The following ATP7B variants were observed in gnomAD, a reference collection of about 807,000 sequenced individuals.
The protein encoded by ATP7B is copper-transporting ATPase 2.
A neutral mutation model predicts 118.9 loss-of-function variants in ATP7B; 113 were observed. The ratio of observed to expected loss-of-function variants is 0.95; its 90% CI spans 0.82 to 1.11. The LOEUF (loss-of-function observed/expected upper bound fraction) is 1.11, where lower values mean the gene tolerates loss of function less well. Ranked by LOEUF, ATP7B falls within the 50% of genes most tolerant of loss-of-function variation. The probability of loss-of-function intolerance (pLI) is 0.00; values close to 1 mark genes in which losing one functional copy is unlikely to be tolerated. For missense variants in ATP7B, 1,867 were observed against 1,871.4 expected (o/e 1.00, Z 0.04); for synonymous variants, 777 against 727.4 (o/e 1.07, Z -1.10).
chr13:51,959,850 C>T (rs1250802417), intron 7 of ATP7B: 2 of 450,842 alleles, frequency 4.4e-6, no homozygotes, highest in Non-Finnish European at 8.2e-6. Flanking sequence ...ACACAGAGTT[C>T]ACCACACCTT....
At chr13:51,968,634 C>T (rs1951688499) in intron 3 of ATP7B, 27 bp from the exon 4 acceptor site, 3 of 1,613,624 alleles carry the variant, frequency 1.9e-6, no homozygotes, top group East Asian at 4.5e-5. Flanking sequence ...ATGGCTGTAA[C>T]ACTCTGGGTG....
At chr13:51,998,318 G>A (rs1265194163) in intron 1 of ATP7B, among the ~76,000 whole-genome samples, 1 of 152,066 alleles carries the variant, frequency 6.6e-6, no homozygotes, top group African/African-American at 2.4e-5. Context: ...TCAGATCCTG[G>A]AACACAAGGA....
At chr13:51,969,033 G>A (rs572933931) in intron 3 of ATP7B, among the ~76,000 whole-genome samples, 1 of 150,834 alleles carries the variant, frequency 6.6e-6, no homozygotes, top group South Asian at 2.1e-4. Context: ...GCTAATTTTT[G>A]TATTTTTAGT....
At chr13:51,962,340 C>A (rs1244585743) in intron 5 of ATP7B, among the ~76,000 whole-genome samples, 2 of 152,194 alleles carry the variant, frequency 1.3e-5, no homozygotes, top group South Asian at 4.1e-4. Context: ...CTTGCCACTG[C>A]GGCAGAACTC....
intron 1 of ATP7B, among the ~76,000 whole-genome samples, chr13:51,990,855 C>G (rs1256057274): frequency 6.6e-6 from 1 of 152,194 alleles, no homozygotes; most frequent in Admixed American, 6.5e-5. Context: ...TTCGGGAGGC[C>G]GAGGCAGGTG....
Position 51,974,049 on chromosome 13 carries a change from A to G in ATP7B, c.1171T>C (p.Ser391Pro), listed in dbSNP as rs755785474. ...ISQLEGVQQI[S>P]VSLAEGTATV... is the part of the protein sequence containing the mutation. ...GCAGTCCCTTCGGCCAAAGACACCG[A>G]TATTTGCTGCACCCCTTCCAGTTGG... The change falls in exon 2 of 21, where the codon TCG becomes CCG. Residue 391 changes from serine (S) to proline (P), a missense_variant. By Grantham distance (74) the Ser-to-Pro change is moderately conservative. Coordinates refer to ENST00000242839, the MANE Select transcript of ATP7B (RefSeq NM_000053.4). 9.9e-6 allele frequency: 16 copies of G among 1,614,050 alleles called. No individual in the cohort carries two copies. The highest frequency in any genetic ancestry group is 8.3e-5 in the Admixed American group (5 of 59,996).
At chr13:51,951,606 T>C (rs1483282798) in intron 9 of ATP7B, among the ~76,000 whole-genome samples, 1 of 152,108 alleles carries the variant, frequency 6.6e-6, no homozygotes, top group East Asian at 1.9e-4. Context: ...GAAGGGGTCC[T>C]AGAACTCATC....
intron 17 of ATP7B, among the ~76,000 whole-genome samples, chr13:51,938,591 G>A (rs1957117578): frequency 6.6e-6 from 1 of 152,204 alleles, no homozygotes; most frequent in Admixed American, 6.5e-5. Context: ...GCTGCTGTGT[G>A]AGAAGTCAGG....
chr13:51,997,105 C>T (rs1953248734), intron 1 of ATP7B, among the ~76,000 whole-genome samples: 1 of 152,182 alleles, frequency 6.6e-6, no homozygotes, highest in African/African-American at 2.4e-5. Context: ...AGTGATTCTT[C>T]AGGTCTTGCT....
chr13:52,009,619 C>G (rs1953931554), intron 1 of ATP7B, among the ~76,000 whole-genome samples: 1 of 152,194 alleles, frequency 6.6e-6, no homozygotes, highest in Non-Finnish European at 1.5e-5. Flanking sequence ...TGTATGCCTT[C>G]TCTCCTATTA....
At chr13:51,993,331 G>T (rs184548301) in intron 1 of ATP7B, among the ~76,000 whole-genome samples, 1 of 151,342 alleles carries the variant, frequency 6.6e-6, no homozygotes, top group East Asian at 2.0e-4. Flanking sequence ...ACTTTGGGAG[G>T]GGGAGGCAGG....
rs753594031 is a variant in ATP7B at position 51,944,248 on chromosome 13, C to T, written c.3104G>A (p.Gly1035Asp). 8 of 1,614,088 alleles carry T rather than the reference C, an allele frequency of 5.0e-6. No homozygotes were observed. Among genetic ancestry groups the T allele is most frequent in the Non-Finnish European group, 6.8e-6 (8 of 1,180,016 alleles). The change falls in exon 14 of 21, where the codon GGC (glycine) becomes GAC (aspartate). Residue 1035 changes from glycine to aspartate, a missense_variant. By Grantham distance (94) the Gly-to-Asp change is moderately conservative. Coordinates refer to ENST00000242839, the MANE Select transcript of ATP7B (RefSeq NM_000053.4). Reference sequence around the variant, plus strand: ...GAGCACCCGCATGACCCTGGGGACGCCATGGGTAATGGTGCCAGTCTTGTC... The same window carrying T: ...GAGCACCCGCATGACCCTGGGGACGTCATGGGTAATGGTGCCAGTCTTGTC... Reference protein sequence around the residue: ...MFDKTGTITHGVPRVMRVLLL... With the variant: ...MFDKTGTITHDVPRVMRVLLL...
chr13:51,952,341 C>G (rs1160355682), intron 9 of ATP7B, among the ~76,000 whole-genome samples: 1 of 152,230 alleles, frequency 6.6e-6, no homozygotes, highest in Non-Finnish European at 1.5e-5. Context: ...TAATGGTCAA[C>G]AAGCCAGAAG....
intron 1 of ATP7B, among the ~76,000 whole-genome samples, chr13:51,983,497 C>CA (rs1302748818): frequency 6.6e-6 from 1 of 152,138 alleles, no homozygotes; most frequent in Non-Finnish European, 1.5e-5. Context: ...TCAGCAGTCT[C>CA]AAAGGTCCCT....
chr13:51,959,965 C>T (rs1331786613), intron 7 of ATP7B, 183 bp downstream of exon 7: 6 of 831,568 alleles, frequency 7.2e-6, no homozygotes, highest in South Asian at 6.9e-5. Context: ...GGGGGGGCCC[C>T]AAGCCCCACC....
chr13:51,972,706 AC>A (rs1195806736), intron 2 of ATP7B, among the ~76,000 whole-genome samples: 1 of 152,068 alleles, frequency 6.6e-6, no homozygotes, highest in Non-Finnish European at 1.5e-5. Context: ...TCTGATTAAA[AC>A]CCATGATGGT....
intron 19 of ATP7B, among the ~76,000 whole-genome samples, chr13:51,936,040 G>T (rs1956942372): frequency 6.6e-6 from 1 of 152,226 alleles, no homozygotes; most frequent in African/African-American, 2.4e-5. Flanking sequence ...AGCTGAGGGA[G>T]CCAGTTGCCC....
intron 1 of ATP7B, among the ~76,000 whole-genome samples, chr13:51,998,231 T>C (rs558074326): frequency 1.3e-5 from 2 of 152,278 alleles, no homozygotes; most frequent in South Asian, 4.1e-4. Context: ...GTCTTCTCTG[T>C]CCACCGAGGC....
intron 4 of ATP7B, among the ~76,000 whole-genome samples, chr13:51,968,234 C>T (rs1466110516): frequency 1.3e-5 from 2 of 152,192 alleles, no homozygotes; most frequent in Non-Finnish European, 2.9e-5. Flanking sequence ...TCAGTGGGAT[C>T]CTCCCCATGA....
Sources: allele counts gnomAD v4.1 joint callset (sites outside exome capture counted in the v4.1 genomes callset), GRCh38; gene constraint gnomAD v4.1.1; transcripts MANE v1.5; gene names NCBI Gene and HGNC (gene_info 2026-07-23, HGNC 2026-07-21).